MED13: variants seen among roughly 807,000 people sequenced by gnomAD.
MED13 encodes mediator of RNA polymerase II transcription subunit 13.
MED13 carries 23 observed loss-of-function variants against 225.2 expected under a neutral mutation model. The ratio of observed to expected loss-of-function variants is 0.10; its 90% CI spans 0.07 to 0.14. MED13 has a LOEUF of 0.14. Ranked by LOEUF, MED13 falls within the 10% of genes least tolerant of loss-of-function variation. The pLI is 1.00. For missense variants in MED13, 2,197 were observed against 2,594.5 expected (o/e 0.85, Z 3.33); for synonymous variants, 942 against 889.2 (o/e 1.06, Z -1.06).
chr17:62,010,407 A>G, intron 9 of MED13, 143 bp downstream of exon 9: 1 of 508,538 alleles, frequency 2.0e-6, no homozygotes, highest in Non-Finnish European at 3.1e-6. Flanking sequence ...GAAAAAACAC[A>G]GTAAAGGAAT....
In MED13 at chr17:61,999,462, C is replaced by T. The variant is rs902790161; in HGVS notation, c.1968-4097G>A. On this transcript the variant is annotated intron_variant, in intron 9 of 29. Transcript: ENST00000397786. ...CTTTAAAATCTATATGGTTCTTAGC[C>T]TCTATTCTGAAATACATGCTATCAT... 2.6e-4 allele frequency among the ~76,000 whole-genome samples: 40 copies of T among 152,004 alleles called. 1 individual carries two copies. Among genetic ancestry groups the T allele is most frequent in the Admixed American group, 1.3e-4 (2 of 15,250 alleles).
rs757694691 is a variant in MED13, at chr17:62,052,635, G to A, written c.372C>T (p.His124=). The A allele has an allele frequency of 7.5e-6, 12 of 1,602,756 alleles. No individual in the cohort carries two copies. Among genetic ancestry groups the A allele is most frequent in the Admixed American group, 1.7e-5 (1 of 59,270 alleles). ...TCATTAAACACCGTTCCAATAGATTGTGAACTGCTTTGAAAAGCAGAGTAC... is the reference window on the plus strand; with the variant it reads ...TCATTAAACACCGTTCCAATAGATTATGAACTGCTTTGAAAAGCAGAGTAC... ...ECRTLLFKAV[H]NLLERCLMNR... Residue 124 remains histidine, a synonymous_variant, in exon 3 of 30, where the codon CAC becomes CAT. Transcript: ENST00000397786.
At chr17:61,972,613 T>A (rs1424964827) in intron 17 of MED13, 114 bp downstream of exon 17, 2 of 1,023,242 alleles carry the variant, frequency 2.0e-6, no homozygotes, top group African/African-American at 3.2e-5. Flanking sequence ...ACAGTGGCCT[T>A]AAGAATATAT....
At chr17:61,979,419 C>A (rs1404758506) in intron 16 of MED13, among the ~76,000 whole-genome samples, 1 of 152,134 alleles carries the variant, frequency 6.6e-6, no homozygotes, top group Non-Finnish European at 1.5e-5. Flanking sequence ...AAGCTATACT[C>A]CCACCTCAGC....
At position 61,968,014 on chromosome 17, in the gene MED13, C is replaced by T. The variant is rs746965939; in HGVS notation, c.4191+21G>A. 21 of 1,559,528 alleles carry T rather than the reference C, an allele frequency of 1.3e-5. No homozygotes were observed. The Admixed American group carries it at 1.7e-4, about 13-fold the overall frequency. ...AAATCGTAAGGTAGTTTTAAAATGTCATCTCTTTTTAAACACCTACCTCAT... is the reference window on the plus strand; with the variant it reads ...AAATCGTAAGGTAGTTTTAAAATGTTATCTCTTTTTAAACACCTACCTCAT... On this transcript the variant is annotated intron_variant, in intron 18 of 29. Transcript: ENST00000397786.
At chr17:61,949,075 G>A (rs1238011195) in intron 28 of MED13, among the ~76,000 whole-genome samples, 15 of 149,204 alleles carry the variant, frequency 1.0e-4, no homozygotes, top group Admixed American at 7.3e-4. Flanking sequence ...GCGACAGAGC[G>A]AGACTCCGTC....
chr17:62,021,777 C>T lies in MED13; in HGVS notation c.1283+7764G>A, dbSNP rs73336418. On this transcript the variant is annotated intron_variant, in intron 8 of 29. Coordinates refer to ENST00000397786, the MANE Select transcript of MED13 (RefSeq NM_005121.3). ...CGGTAGAACCTTTTTTGATGTCACA[C>T]GTACTTAAATAGCCCTCTCGCCTAC... Among the ~76,000 whole-genome samples, 577 of 152,230 alleles carry T rather than the reference C, an allele frequency of 3.8e-3. 4 individuals are homozygous for T. The highest frequency in any genetic ancestry group is 0.013 in the African/African-American group (540 of 41,524).
At chr17:61,959,411 C>A (rs1387251843) in intron 23 of MED13, among the ~76,000 whole-genome samples, 1 of 151,678 alleles carries the variant, frequency 6.6e-6, no homozygotes, top group Admixed American at 6.6e-5. Flanking sequence ...TATTTTTTTT[C>A]TCTACTTTCT....
chr17:61,967,993 C>A, intron 18 of MED13, 42 bp downstream of exon 18: 6 of 1,461,730 alleles, frequency 4.1e-6, no homozygotes, highest in Non-Finnish European at 5.7e-6. Flanking sequence ...CAATACAAAT[C>A]GTAAGGTAGT....
At chr17:61,947,520 G>C (rs774383793) in intron 28 of MED13, among the ~76,000 whole-genome samples, 12 of 152,146 alleles carry the variant, frequency 7.9e-5, no homozygotes, top group Admixed American at 2.0e-4. Flanking sequence ...TGAGTAGTCT[G>C]TCCTTAAGAT....
intron 28 of MED13, among the ~76,000 whole-genome samples, chr17:61,947,936 C>A (rs2079864372): frequency 6.6e-6 from 1 of 152,100 alleles, no homozygotes; most frequent in South Asian, 2.1e-4. Context: ...TTTAGGTGTT[C>A]TCTCCTCTGC....
intron 21 of MED13, among the ~76,000 whole-genome samples, chr17:61,962,363 G>A (rs72843771): frequency 0.091 from 13,878 of 152,160 alleles, 880 homozygotes; most frequent in South Asian, 0.32. Flanking sequence ...TAGTCCTGTT[G>A]AAGTCTATAA....
At chr17:62,056,774 A>C (rs971555802) in intron 2 of MED13, among the ~76,000 whole-genome samples, 26 of 152,164 alleles carry the variant, frequency 1.7e-4, no homozygotes, top group African/African-American at 6.3e-4. Context: ...AAAAAGAAAA[A>C]AAAATTCCTT....
At chr17:62,055,796 TG>T (rs1008323083) in intron 2 of MED13, among the ~76,000 whole-genome samples, 3 of 151,896 alleles carry the variant, frequency 2.0e-5, no homozygotes, top group African/African-American at 7.3e-5. Context: ...CACTCCAGCC[TG>T]GTGACAGAGC....
At chr17:62,009,245 G>A (rs1309214732) in intron 9 of MED13, among the ~76,000 whole-genome samples, 1 of 152,064 alleles carries the variant, frequency 6.6e-6, no homozygotes, top group East Asian at 1.9e-4. Flanking sequence ...AGAAAGTCAA[G>A]GGATACCTGG....
At chr17:61,961,868 T>G in intron 21 of MED13, 89 bp from the exon 22 acceptor site, 1 of 1,212,248 alleles carries the variant, frequency 8.2e-7, no homozygotes, top group East Asian at 2.4e-5. Context: ...AACTTTTTAC[T>G]AGAAAATTTA....
chr17:61,978,746 T>A (rs1328784257), intron 16 of MED13, among the ~76,000 whole-genome samples: 1 of 152,320 alleles, frequency 6.6e-6, no homozygotes, highest in African/African-American at 2.4e-5. Context: ...TTAACTACTC[T>A]ATATGGCTTA....
At chr17:62,048,379 TGACA>T (rs2080921643) in intron 3 of MED13, among the ~76,000 whole-genome samples, 1 of 115,958 alleles carries the variant, frequency 8.6e-6, no homozygotes, top group African/African-American at 3.5e-5. Context: ...TACTCCAGCC[TGACA>T]GAGTGAGACT....
chr17:61,996,997 TAAAC>T (rs960624318), intron 9 of MED13, among the ~76,000 whole-genome samples: 3 of 152,164 alleles, frequency 2.0e-5, no homozygotes, highest in Non-Finnish European at 4.4e-5. Context: ...TACTTTGAAA[TAAAC>T]AATTTTTACA....
Sources: gnomAD v4.1 joint callset for allele counts (sites outside exome capture counted in the v4.1 genomes callset) on GRCh38, gnomAD v4.1.1 for gene constraint, MANE v1.5 for transcripts, NCBI Gene and HGNC (gene_info 2026-07-23, HGNC 2026-07-21) for gene names.